Variants in KIR2DL4 observed in about 807,000 individuals in gnomAD.
KIR2DL4 encodes killer cell immunoglobulin-like receptor 2DL4.
A neutral mutation model predicts 31.0 loss-of-function variants in KIR2DL4; 41 were observed. That is an observed-to-expected ratio of 1.32 (90% CI 1.03 to 1.72). KIR2DL4 has a LOEUF of 1.72. Among genes scored for constraint, KIR2DL4 ranks in the 40% most tolerant of loss-of-function variants. The pLI, the probability that KIR2DL4 is intolerant of heterozygous loss-of-function variation, is 0.00. For synonymous variants in KIR2DL4, 164 were observed against 133.6 expected, an observed-to-expected ratio of 1.23 and a Z score of -1.57; for missense variants, 438 against 353.7, an observed-to-expected ratio of 1.24 and a Z score of -1.91.
At chr19:54,803,720 G>T (rs1601103445) in intron 1 of KIR2DL4, 29 bp downstream of exon 1, 6 of 1,608,014 alleles carry the variant, frequency 3.7e-6, no homozygotes, top group Non-Finnish European at 5.1e-6. Context: ...GGAGCACCAG[G>T]GTTACACTAT....
exon 4 of KIR2DL4, chr19:54,806,168 C>T: frequency 6.2e-7 from 1 of 1,611,858 alleles, no homozygotes; most frequent in Admixed American, 1.7e-5. Context: ...GAGAGACCTA[C>T]AGATGCTTCG....
At chr19:54,806,036 G>T in exon 4 of KIR2DL4, 1 of 1,611,470 alleles carries the variant, frequency 6.2e-7, no homozygotes, top group South Asian at 1.1e-5. Flanking sequence ...GCAGCTCCCA[G>T]AGCTCCTTTG....
intron 5 of KIR2DL4, among the ~76,000 whole-genome samples, chr19:54,812,250 C>T (rs1257103205): frequency 6.6e-6 from 1 of 151,234 alleles, no homozygotes; most frequent in Non-Finnish European, 1.5e-5. Flanking sequence ...CGAGTGACAA[C>T]AGAAACCTTC....
chr19:54,805,089 C>T lies in KIR2DL4; in HGVS notation c.361+12C>T. On this transcript the variant is annotated intron_variant, in intron 3 of 7. Coordinates refer to ENST00000359085, the Ensembl canonical transcript of KIR2DL4. ...GATCATGGTCACAGGTCAGAGGGCT[C>T]CTGTCTGGGCTTCTCCTTGTCCCAC... The T allele has an allele frequency of 3.2e-6, 5 of 1,583,974 alleles. No homozygotes were observed. The highest frequency in any genetic ancestry group is 3.4e-6 in the Non-Finnish European group (4 of 1,168,654).
At chr19:54,805,928 G>T in intron 3 of KIR2DL4, 23 bp from the exon 4 acceptor site, 5 of 1,585,190 alleles carry the variant, frequency 3.2e-6, no homozygotes, top group Non-Finnish European at 4.3e-6. Context: ...CCTCCCTGAG[G>T]AAACTGCCTC....
chr19:54,814,419 C>T (rs2061092711), exon 8 of KIR2DL4: 1 of 396,096 alleles, frequency 2.5e-6, no homozygotes, highest in Admixed American at 4.4e-5. Flanking sequence ...TCCACCTTTC[C>T]TCAGACTATT....
intron 5 of KIR2DL4, chr19:54,813,006 G>C: frequency 1.5e-6 from 1 of 682,718 alleles, no homozygotes; most frequent in East Asian, 3.5e-5. Flanking sequence ...CTCCCGCCTC[G>C]TGGGTGCTTG....
At chr19:54,811,235 T>A (rs3786855) in intron 5 of KIR2DL4, among the ~76,000 whole-genome samples, 30,986 of 150,254 alleles carry the variant, frequency 0.21, 3,794 homozygotes, top group East Asian at 0.47. Context: ...CCATCTCTAC[T>A]AAATATACAA....
exon 8 of KIR2DL4, chr19:54,813,871 G>T: frequency 6.2e-7 from 1 of 1,612,458 alleles, no homozygotes; most frequent in Non-Finnish European, 8.5e-7. Flanking sequence ...CTCAGGAGGT[G>T]ACATACGCAC....
At chr19:54,804,687 G>A (rs2060389074) in intron 2 of KIR2DL4, 106 bp from the exon 3 acceptor site, 2 of 1,231,142 alleles carry the variant, frequency 1.6e-6, no homozygotes, top group Admixed American at 2.2e-5. Flanking sequence ...GCACCCAGGT[G>A]TGGTAGGAGC....
intron 3 of KIR2DL4, 138 bp downstream of exon 3, chr19:54,805,215 G>T (rs2060439727): frequency 2.4e-6 from 2 of 819,718 alleles, no homozygotes; most frequent in Non-Finnish European, 1.9e-6. Context: ...CAGGGGAATG[G>T]GTGCTGTGTT....
intron 4 of KIR2DL4, among the ~76,000 whole-genome samples, chr19:54,806,532 C>G (rs1376690295): frequency 6.6e-6 from 1 of 151,264 alleles, no homozygotes; most frequent in African/African-American, 2.4e-5. Context: ...CAGAGGTTCC[C>G]TCAGCCCCTC....
At chr19:54,811,229 C>G (rs1361527231) in intron 5 of KIR2DL4, among the ~76,000 whole-genome samples, 4 of 150,742 alleles carry the variant, frequency 2.7e-5, no homozygotes, top group African/African-American at 7.4e-5. Flanking sequence ...GAAACCCCAT[C>G]TCTACTAAAT....
chr19:54,814,119 A>T (rs1294330936), exon 8 of KIR2DL4: 1 of 1,609,298 alleles, frequency 6.2e-7, no homozygotes, highest in Non-Finnish European at 8.5e-7. Context: ...TGAAGGCGTG[A>T]GTCTCCATCT....
intron 5 of KIR2DL4, among the ~76,000 whole-genome samples, chr19:54,809,780 A>G (rs1304656753): frequency 6.6e-6 from 1 of 151,350 alleles, no homozygotes; most frequent in Non-Finnish European, 1.5e-5. Context: ...TTGGCATTCT[A>G]TTGGAAACAC....
At chr19:54,807,978 T>C (rs2060626623) in intron 4 of KIR2DL4, among the ~76,000 whole-genome samples, 1 of 151,364 alleles carries the variant, frequency 6.6e-6, no homozygotes. Context: ...AATGTATATA[T>C]GTTCATTTGT....
chr19:54,809,296 G>A (rs1430926755), intron 5 of KIR2DL4, among the ~76,000 whole-genome samples: 1 of 150,410 alleles, frequency 6.6e-6, no homozygotes, highest in Non-Finnish European at 1.5e-5. Context: ...ATCCAACCCT[G>A]GTTGACTTAG....
intron 4 of KIR2DL4, among the ~76,000 whole-genome samples, chr19:54,807,004 A>T (rs1601156173): frequency 7.3e-6 from 1 of 137,726 alleles, no homozygotes; most frequent in South Asian, 2.3e-4. Context: ...ACACAGAGAG[A>T]CTCTGTCTCT....
chr19:54,803,775 A>G, intron 1 of KIR2DL4, 84 bp downstream of exon 1: 1 of 1,573,402 alleles, frequency 6.4e-7, no homozygotes, highest in Non-Finnish European at 8.7e-7. Flanking sequence ...CCATGTTCTG[A>G]AGCAAGTGAG....
Sources: allele counts gnomAD v4.1 joint callset (sites outside exome capture counted in the v4.1 genomes callset), GRCh38; gene constraint gnomAD v4.1.1; transcripts MANE v1.5; gene names NCBI Gene and HGNC (gene_info 2026-07-23, HGNC 2026-07-21).